Variants in ERAP1 observed in about 807,000 individuals in gnomAD.
ERAP1 encodes the protein adipocyte-derived leucine aminopeptidase.
Under a neutral mutation model 103.7 loss-of-function variants are expected in ERAP1, and 86 were observed. The observed-to-expected ratio is 0.83, with a 90% CI of 0.70 to 0.99. The LOEUF is 0.99. ERAP1 is among the 50% of genes least tolerant of loss of function. The pLI is 0.00. For synonymous variants in ERAP1, 398 were observed against 402.4 expected, an observed-to-expected ratio of 0.99 and a Z score of 0.13; for missense variants, 1,009 against 1,128.4, an observed-to-expected ratio of 0.89 and a Z score of 1.52.
intron 2 of ERAP1, among the ~76,000 whole-genome samples, chr5:96,801,325 G>T (rs1159758177): frequency 6.6e-6 from 1 of 151,868 alleles, no homozygotes; most frequent in African/African-American, 2.4e-5. Flanking sequence ...AGGCATGGTG[G>T]TGCAGGCCTG....
the ERAP1 span, among the ~76,000 whole-genome samples, chr5:96,878,757 G>A: frequency 3.9e-5 from 6 of 152,046 alleles, no homozygotes; most frequent in African/African-American, 9.6e-5. Flanking sequence ...GTGAAACCCC[G>A]TCTCTACTAA....
chr5:96,831,869 C>T, the ERAP1 span, among the ~76,000 whole-genome samples: 1 of 152,310 alleles, frequency 6.6e-6, no homozygotes, highest in Admixed American at 6.5e-5. Flanking sequence ...CTGTGGTGGG[C>T]TTGAGCTGGG....
At chr5:96,912,944 T>C in the ERAP1 span, 1 of 666,092 alleles carries the variant, frequency 1.5e-6, no homozygotes, top group Non-Finnish European at 2.4e-6. Context: ...GAAAAGAATA[T>C]ATTGACAAAA....
Position 96,797,184 on chromosome 5 carries a change from A to G in ERAP1, c.789T>C (p.Ser263=), listed in dbSNP as rs762883883. The G allele has an allele frequency of 1.9e-6, 3 of 1,614,008 alleles. No homozygotes were observed. The highest frequency in any genetic ancestry group is 2.2e-5 in the East Asian group (1 of 44,894). Residue 263 remains serine (S), a synonymous_variant, in exon 4 of 19, where the codon AGT becomes AGC. Transcript: ENST00000443439. ...ACAGTCATAGGCTCACCTTGACTCCACTCTTGGTTATCTTGCTGACAGACT... is the reference window on the plus strand; with the variant it reads ...ACAGTCATAGGCTCACCTTGACTCCGCTCTTGGTTATCTTGCTGACAGACT... ...DFESVSKITK[S]GVKVSVYAVP... is the part of the protein sequence containing the mutation.
chr5:96,906,154 C>T, the ERAP1 span, among the ~76,000 whole-genome samples: 3 of 150,826 alleles, frequency 2.0e-5, no homozygotes, highest in Non-Finnish European at 2.9e-5. Flanking sequence ...GTCTCCAGAG[C>T]CATTCTCTTA....
chr5:96,854,996 C>G, the ERAP1 span, among the ~76,000 whole-genome samples: 1 of 152,140 alleles, frequency 6.6e-6, no homozygotes, highest in East Asian at 1.9e-4. Flanking sequence ...AAATAAGTCA[C>G]ATTTTACACA....
chr5:96,886,272 A>G, the ERAP1 span, among the ~76,000 whole-genome samples: 1 of 152,256 alleles, frequency 6.6e-6, no homozygotes, highest in African/African-American at 2.4e-5. Context: ...CTTGTACAAC[A>G]AATAAAGGGA....
chr5:96,803,568 AG>A lies in ERAP1; in HGVS notation c.358del (p.Leu120CysfsTer55). 1 of 1,613,988 alleles carries A rather than the reference AG, an allele frequency of 6.2e-7. No individual in the cohort carries two copies. On this transcript the variant is annotated frameshift_variant, in exon 2 of 19. Transcript: ENST00000443439. LOFTEE classifies it high-confidence loss of function. ...CTGACGGGGGTGTTCCAGGACCTGC[AG>A]GGGTTCTTCCGATAGCCTCTCTCCA... ...GAGERLSEEP[L>X]QVLEHPRQEQ... is the part of the protein sequence containing the mutation.
chr5:96,843,273 T>G, the ERAP1 span, among the ~76,000 whole-genome samples: 2 of 152,148 alleles, frequency 1.3e-5, no homozygotes, highest in Non-Finnish European at 2.9e-5. Context: ...ACACCCTAAG[T>G]AAATGAAGTA....
chr5:96,790,045 T>G (rs1776550461), intron 10 of ERAP1, among the ~76,000 whole-genome samples: 1 of 152,204 alleles, frequency 6.6e-6, no homozygotes, highest in African/African-American at 2.4e-5. Context: ...ATCCACTGCT[T>G]TAAAAGGGAA....
At chr5:96,766,197 T>C (rs767178904) in intron 19 of ERAP1, 11 of 982,994 alleles carry the variant, frequency 1.1e-5, no homozygotes, top group Admixed American at 3.7e-5. Flanking sequence ...GATCTTTAAA[T>C]TCAAACCTCC....
chr5:96,769,402 T>C (rs1378393734), intron 19 of ERAP1: 1 of 151,946 alleles, frequency 6.6e-6, no homozygotes, highest in African/African-American at 2.4e-5. Context: ...TTTTGTTTTT[T>C]TTTTTTTGCC....
chr5:96,889,241 A>G, the ERAP1 span: 1 of 1,614,072 alleles, frequency 6.2e-7, no homozygotes, highest in East Asian at 2.2e-5. Flanking sequence ...CTTTGCAGGC[A>G]TCACTGAAGC....
chr5:96,848,093 G>A, the ERAP1 span, among the ~76,000 whole-genome samples: 38 of 152,180 alleles, frequency 2.5e-4, no homozygotes, highest in African/African-American at 8.4e-4. Flanking sequence ...CTTTTGCCCA[G>A]GCTGGAGTGC....
the ERAP1 span, among the ~76,000 whole-genome samples, chr5:96,842,095 G>C: frequency 0.27 from 40,861 of 151,994 alleles, 6,724 homozygotes; most frequent in Non-Finnish European, 0.38. Flanking sequence ...ATTCCATCCA[G>C]GTTGCTGCAA....
At chr5:96,815,306 A>G in the ERAP1 span, among the ~76,000 whole-genome samples, 1 of 152,208 alleles carries the variant, frequency 6.6e-6, no homozygotes, top group Non-Finnish European at 1.5e-5. Context: ...ATGAAAATAG[A>G]AAACTCAAAG....
chr5:96,886,524 G>GC, the ERAP1 span: 10 of 590,986 alleles, frequency 1.7e-5, no homozygotes, highest in East Asian at 6.7e-5. Flanking sequence ...AGAGGCCATT[G>GC]CCCCCCTAGG....
chr5:96,794,237 C>G (rs1256695768), intron 5 of ERAP1, among the ~76,000 whole-genome samples: 2 of 120,512 alleles, frequency 1.7e-5, no homozygotes, highest in Non-Finnish European at 3.2e-5. Context: ...TACTGGAGTG[C>G]ATTTGCAGTG....
intron 2 of ERAP1, among the ~76,000 whole-genome samples, chr5:96,802,602 T>C (rs1234293838): frequency 6.6e-6 from 1 of 152,172 alleles, no homozygotes; most frequent in Non-Finnish European, 1.5e-5. Flanking sequence ...ATAAGTCTCC[T>C]CCTTAAAAAC....
Sources: gnomAD v4.1 joint callset for allele counts (sites outside exome capture counted in the v4.1 genomes callset) on GRCh38, gnomAD v4.1.1 for gene constraint, MANE v1.5 for transcripts, NCBI Gene and HGNC (gene_info 2026-07-23, HGNC 2026-07-21) for gene names.